The following HDLBP variants were observed in gnomAD, a reference collection of about 807,000 sequenced individuals.
HDLBP encodes high density lipoprotein binding protein.
Under a neutral mutation model 137.3 loss-of-function variants are expected in HDLBP, and 30 were observed. The observed-to-expected ratio is 0.22, with a 90% CI of 0.16 to 0.30. The LOEUF is 0.30. HDLBP is among the 10% of genes least tolerant of loss of function. The pLI, the probability that HDLBP is intolerant of heterozygous loss-of-function variation, is 1.00. For missense variants in HDLBP, 1,119 were observed against 1,667.3 expected, an observed-to-expected ratio of 0.67 and a Z score of 5.73; for synonymous variants, 606 against 596.0, an observed-to-expected ratio of 1.02 and a Z score of -0.24.
Position 241,239,518 on chromosome 2 carries a change from C to T in HDLBP, c.2610+84G>A, listed in dbSNP as rs76402769. ...GCTGTATGAGGGAGTCACCTCCCTA[C>T]AGGGTGGAGCGAACACTCATACACG... On this transcript the variant is annotated intron_variant, in intron 19 of 27. Transcript: ENST00000310931. This position sits in a 1 kb window ranked among gnomAD's most constrained non-coding sequence, Gnocchi z 4.6. The T allele has an allele frequency of 1.4e-5, 16 of 1,124,918 alleles. No individual in the cohort carries two copies. The Admixed American group carries it at 1.8e-4, about 12-fold the overall frequency. 69.7% of individuals were successfully genotyped at this position (1,124,918 alleles called of 1,614,324 possible).
At chr2:241,254,845 A>G (rs2072487107) in intron 9 of HDLBP, among the ~76,000 whole-genome samples, 1 of 152,248 alleles carries the variant, frequency 6.6e-6, no homozygotes, top group Non-Finnish European at 1.5e-5. Context: ...AAAGGCCAGA[A>G]GGATGGTACA....
chr2:241,234,065 T>C, intron 23 of HDLBP, 102 bp from the exon 24 acceptor site: 1 of 1,371,374 alleles, frequency 7.3e-7, no homozygotes, highest in Non-Finnish European at 1.0e-6. Flanking sequence ...GATGCTGCAG[T>C]GTTCTGTAAC....
At position 241,287,224 on chromosome 2, in the gene HDLBP, C is replaced by A. The variant is rs188162424; in HGVS notation, c.-102-18683G>T. On this transcript the variant is annotated intron_variant, in intron 1 of 27. Coordinates refer to ENST00000310931, the MANE Select transcript of HDLBP (RefSeq NM_005336.6). ...CTCCTGGGTTCAAGCGATTCTCTTG[C>A]CTCAGCCTCCCGAGTAGCTGGGACT... is the stretch of plus-strand genomic sequence containing the variant. 6.4e-4 allele frequency among the ~76,000 whole-genome samples: 98 copies of A among 152,128 alleles called. 1 individual carries two copies. Among genetic ancestry groups the A allele is most frequent in the African/African-American group, 2.0e-3 (84 of 41,490 alleles).
chr2:241,305,752 G>A (rs1575057663), intron 1 of HDLBP, among the ~76,000 whole-genome samples: 1 of 148,734 alleles, frequency 6.7e-6, no homozygotes, highest in East Asian at 2.0e-4. Context: ...ATACAAAGTT[G>A]TTTATTTGTT....
chr2:241,254,978 CA>C, intron 9 of HDLBP, 72 bp downstream of exon 9: 1 of 1,204,724 alleles, frequency 8.3e-7, no homozygotes, highest in Non-Finnish European at 1.2e-6. Context: ...CAAAGGTCAA[CA>C]AAGCAATATC....
At position 241,230,022 on chromosome 2, in the gene HDLBP, C is replaced by T. The variant is rs929104846; in HGVS notation, c.3592-61G>A. On this transcript the variant is annotated intron_variant, in intron 26 of 27. Coordinates refer to ENST00000310931, the MANE Select transcript of HDLBP (RefSeq NM_005336.6). The surrounding 1 kb of genome is among the most constrained non-coding windows in gnomAD (Gnocchi z 5.0). ...CCCAGCACCCCCAGCATCCCGCCCG[C>T]CTGCTCACCCCTGCACCTCGCCTGC... 3 of 1,574,150 alleles carry T rather than the reference C, an allele frequency of 1.9e-6. No individual in the cohort carries two copies. The highest frequency in any genetic ancestry group is 2.6e-6 in the Non-Finnish European group (3 of 1,157,836).
chr2:241,310,142 C>G (rs1355197611), intron 1 of HDLBP, among the ~76,000 whole-genome samples: 1 of 152,132 alleles, frequency 6.6e-6, no homozygotes, highest in Admixed American at 6.6e-5. Context: ...TATCTTCCAA[C>G]AGTTAACAGG....
At chr2:241,236,587 G>C in intron 21 of HDLBP, 28 bp downstream of exon 21, 1 of 1,611,610 alleles carries the variant, frequency 6.2e-7, no homozygotes, top group Non-Finnish European at 8.5e-7. Flanking sequence ...CCTTGGCGGG[G>C]GGTGGAGGGG....
At chr2:241,236,252 A>T (rs2070415788) in intron 21 of HDLBP, 3 of 301,600 alleles carry the variant, frequency 9.9e-6, no homozygotes, top group African/African-American at 2.1e-5. Context: ...ACACAAGGTG[A>T]GCTAGGCCTG....
chr2:241,259,494 T>C (rs2072988955), intron 5 of HDLBP, among the ~76,000 whole-genome samples: 1 of 150,780 alleles, frequency 6.6e-6, no homozygotes, highest in Non-Finnish European at 1.5e-5. Context: ...CAAGTGATTT[T>C]GAACTCATGA....
intron 1 of HDLBP, chr2:241,270,919 C>G (rs2073993691): frequency 1.1e-6 from 1 of 935,298 alleles, no homozygotes; most frequent in Non-Finnish European, 1.3e-6. Flanking sequence ...ACAGTACTGT[C>G]CAAATCAGGA....
intron 1 of HDLBP, among the ~76,000 whole-genome samples, chr2:241,290,726 C>T (rs1386312896): frequency 6.6e-6 from 1 of 152,022 alleles, no homozygotes; most frequent in Non-Finnish European, 1.5e-5. Context: ...GAGCTATATA[C>T]ATTAAAAAGT....
intron 1 of HDLBP, among the ~76,000 whole-genome samples, chr2:241,302,159 G>A (rs1343769096): frequency 6.6e-6 from 1 of 152,102 alleles, no homozygotes; most frequent in Non-Finnish European, 1.5e-5. Flanking sequence ...TCAGGAGGCG[G>A]AGGCAAAAGG....
chr2:241,298,340 T>C (rs1439156467), intron 1 of HDLBP, among the ~76,000 whole-genome samples: 3 of 151,824 alleles, frequency 2.0e-5, no homozygotes, highest in African/African-American at 7.3e-5. Context: ...CACTCCTGCC[T>C]GGGCGACAGA....
chr2:241,266,675 C>T, intron 3 of HDLBP, 119 bp downstream of exon 3: 1 of 732,200 alleles, frequency 1.4e-6, no homozygotes, highest in Non-Finnish European at 2.4e-6. Flanking sequence ...TTGGACCCTC[C>T]CTGCCCCACA....
intron 22 of HDLBP, 56 bp downstream of exon 22, chr2:241,235,434 G>A (rs985916096): frequency 1.3e-5 from 19 of 1,472,800 alleles, no homozygotes; most frequent in Middle Eastern, 1.8e-4. Flanking sequence ...ACTGGCACTC[G>A]GGAGAGGATG....
At position 241,298,045 on chromosome 2, in the gene HDLBP, C is replaced by CAA. The variant is rs71049568; in HGVS notation, c.-103+17523_-103+17524dup. On this transcript the variant is annotated intron_variant, in intron 1 of 27. Transcript: ENST00000310931. ...GCCTGGACAGAGTGAGACCCTGTCTCAAAAAAAAAAAAAAAAAAAAAAAAA... is the reference window on the plus strand; with the variant it reads ...GCCTGGACAGAGTGAGACCCTGTCTCAAAAAAAAAAAAAAAAAAAAAAAAAAA... Among the ~76,000 whole-genome samples, 7 of 23,402 alleles carry CAA rather than the reference C, an allele frequency of 3.0e-4. 2 individuals carry two copies. The highest frequency in any genetic ancestry group is 1.8e-3 in the African/African-American group (7 of 3,788). The allele number at this position is 23,402 out of a possible 152,430, so 15.4% of individuals were successfully genotyped here.
At chr2:241,295,607 C>G (rs2075148337) in intron 1 of HDLBP, among the ~76,000 whole-genome samples, 1 of 152,188 alleles carries the variant, frequency 6.6e-6, no homozygotes, top group African/African-American at 2.4e-5. Flanking sequence ...CAAATAACAT[C>G]TGTGATAGGC....
chr2:241,261,858 C>T (rs899781557), intron 5 of HDLBP, among the ~76,000 whole-genome samples: 8 of 152,188 alleles, frequency 5.3e-5, no homozygotes, highest in Non-Finnish European at 8.8e-5. Context: ...AGGCCCTCTC[C>T]CATCAAATCC....
Sources: gnomAD v4.1 joint callset for allele counts (sites outside exome capture counted in the v4.1 genomes callset) on GRCh38, gnomAD v4.1.1 for gene constraint, Gnocchi (gnomAD v3.1) non-coding constraint, MANE v1.5 for transcripts, NCBI Gene and HGNC (gene_info 2026-07-23, HGNC 2026-07-21) for gene names.